EPHB1: variants seen among roughly 807,000 people sequenced by gnomAD.
EPHB1 encodes EPH receptor B1, also known as ephrin type-B receptor 1.
In EPHB1, 30 loss-of-function variants were observed where a neutral mutation model predicts 94.4. The observed-to-expected ratio is 0.32, with a 90% CI of 0.24 to 0.43. EPHB1 has a LOEUF of 0.43. EPHB1 is among the 20% of genes least tolerant of loss of function. EPHB1 has a pLI of 1.00. For missense variants in EPHB1, 1,055 were observed against 1,308.3 expected (o/e 0.81, Z 2.99); for synonymous variants, 522 against 489.1 (o/e 1.07, Z -0.89).
chr3:134,992,484 A>C (rs971494611), intron 3 of EPHB1, among the ~76,000 whole-genome samples: 1 of 152,224 alleles, frequency 6.6e-6, no homozygotes, highest in Non-Finnish European at 1.5e-5. Flanking sequence ...AAGAGGTTGA[A>C]GCAAGACAAC....
intron 1 of EPHB1, among the ~76,000 whole-genome samples, chr3:134,843,964 A>G (rs1489910918): frequency 2.0e-5 from 3 of 152,100 alleles, no homozygotes. Flanking sequence ...TGGATGTGTC[A>G]TAATTTTCTG....
At chr3:135,106,926 C>T (rs943773405) in intron 4 of EPHB1, among the ~76,000 whole-genome samples, 1 of 152,198 alleles carries the variant, frequency 6.6e-6, no homozygotes, top group Non-Finnish European at 1.5e-5. Flanking sequence ...TCTATTATCA[C>T]TTCCTCCAAG....
In EPHB1 at chr3:134,953,816, G is replaced by C. The variant is rs565338186; in HGVS notation, c.805+1764G>C. ...TAATTGGAACTTTTCTTTTTTAGAG[G>C]GTTCTGCTGTCCGTGTAGCTTGTCA... On this transcript the variant is annotated intron_variant, in intron 3 of 15. Transcript: ENST00000398015. 4.6e-5 allele frequency among the ~76,000 whole-genome samples: 7 copies of C among 152,296 alleles called. No homozygotes were observed. In the East Asian group the frequency reaches 1.3e-3, roughly 29 times the overall value.
In EPHB1 at chr3:135,119,340, T is replaced by C. The variant is rs74282419; in HGVS notation, c.961+12737T>C. 1.8e-4 allele frequency among the ~76,000 whole-genome samples: 28 copies of C among 152,342 alleles called. No individual in the cohort carries two copies. The East Asian group carries it at 2.3e-3, about 13-fold the overall frequency. On this transcript the variant is annotated intron_variant, in intron 4 of 15. Transcript: ENST00000398015. ...TTGAACTCAAATCTGACCATCTTTT[T>C]CTTTCTGGTTTGGAGATTGGTGTCT...
chr3:135,054,725 A>G (rs923928287), intron 3 of EPHB1, among the ~76,000 whole-genome samples: 7 of 152,210 alleles, frequency 4.6e-5, no homozygotes, highest in Admixed American at 4.6e-4. Context: ...TTTTCCAGAC[A>G]CAACACAGTT....
intron 10 of EPHB1, among the ~76,000 whole-genome samples, chr3:135,191,445 G>T (rs1035471025): frequency 6.6e-6 from 1 of 152,186 alleles, no homozygotes; most frequent in African/African-American, 2.4e-5. Flanking sequence ...TTATCTGATT[G>T]CTCAGTTTGC....
At chr3:135,146,332 A>G (rs1941008420) in intron 5 of EPHB1, among the ~76,000 whole-genome samples, 1 of 152,212 alleles carries the variant, frequency 6.6e-6, no homozygotes. Context: ...GTTTAGAAAG[A>G]TTAATATGGC....
At chr3:134,897,038 G>A (rs73222697) in intron 1 of EPHB1, among the ~76,000 whole-genome samples, 5 of 152,366 alleles carry the variant, frequency 3.3e-5, no homozygotes, top group African/African-American at 7.2e-5. Flanking sequence ...ACTGATACTT[G>A]GAGGGTTTTT....
At chr3:135,193,088 A>G (rs1942502598) in intron 11 of EPHB1, among the ~76,000 whole-genome samples, 1 of 152,228 alleles carries the variant, frequency 6.6e-6, no homozygotes, top group South Asian at 2.1e-4. Flanking sequence ...AAGAATGGCC[A>G]TTGGCATCTG....
At chr3:135,055,479 A>T (rs1937322772) in intron 3 of EPHB1, among the ~76,000 whole-genome samples, 1 of 152,162 alleles carries the variant, frequency 6.6e-6, no homozygotes, top group African/African-American at 2.4e-5. Flanking sequence ...ACACCAAGGT[A>T]CAGGAAGATA....
At chr3:134,873,615 C>T (rs2037548503) in intron 1 of EPHB1, among the ~76,000 whole-genome samples, 1 of 152,192 alleles carries the variant, frequency 6.6e-6, no homozygotes, top group African/African-American at 2.4e-5. Flanking sequence ...TGGTCTTCTC[C>T]TTAGTTTGAT....
At chr3:135,021,273 T>G (rs1415815533) in intron 3 of EPHB1, among the ~76,000 whole-genome samples, 1 of 152,328 alleles carries the variant, frequency 6.6e-6, no homozygotes, top group East Asian at 1.9e-4. Context: ...GTTGTGTTTT[T>G]TAAATAATAC....
In EPHB1 at chr3:134,991,462, G is replaced by C. The variant is rs9289488; in HGVS notation, c.805+39410G>C. Among the ~76,000 whole-genome samples the C allele has an allele frequency of 3.3e-5, 5 of 152,006 alleles. No homozygotes were observed. The East Asian group carries it at 9.6e-4, about 29-fold the overall frequency. Reference sequence around the variant, plus strand: ...TCAAATTGTTTTCCTGCCTCAGAGTGGAGATCTGCAGTTTATGTTTCCATA... The same window carrying C: ...TCAAATTGTTTTCCTGCCTCAGAGTCGAGATCTGCAGTTTATGTTTCCATA... On this transcript the variant is annotated intron_variant, in intron 3 of 15. Coordinates refer to ENST00000398015, the MANE Select transcript of EPHB1 (RefSeq NM_004441.5).
In EPHB1 at chr3:135,086,080, G is replaced by A. The variant is rs1052857638; in HGVS notation, c.806-20368G>A. 2.6e-5 allele frequency among the ~76,000 whole-genome samples: 4 copies of A among 152,064 alleles called. No individual in the cohort carries two copies. In the South Asian group the frequency reaches 8.3e-4, roughly 32 times the overall value. ...CTACTAACTCCCTTTCCACAGAAGGGCCTCTTTGCATTTCTGTTGTTCTAC... is the reference window on the plus strand; with the variant it reads ...CTACTAACTCCCTTTCCACAGAAGGACCTCTTTGCATTTCTGTTGTTCTAC... On this transcript the variant is annotated intron_variant, in intron 3 of 15. Transcript: ENST00000398015.
intron 3 of EPHB1, among the ~76,000 whole-genome samples, chr3:135,088,366 A>G (rs553959554): frequency 1.3e-5 from 2 of 152,374 alleles, no homozygotes; most frequent in African/African-American, 4.8e-5. Context: ...TGTCAGTGAA[A>G]TGGAAATGCT....
At chr3:135,194,787 C>T (rs960910995) in intron 11 of EPHB1, among the ~76,000 whole-genome samples, 6 of 152,174 alleles carry the variant, frequency 3.9e-5, no homozygotes, top group African/African-American at 1.4e-4. Context: ...GGACAGCCTC[C>T]TTGAGGGTAT....
At chr3:135,257,587 A>C in intron 15 of EPHB1, among the ~76,000 whole-genome samples, 1 of 151,936 alleles carries the variant, frequency 6.6e-6, no homozygotes, top group Non-Finnish European at 1.5e-5. Context: ...TCAGATCTCC[A>C]GCTGCGTGCT....
intron 15 of EPHB1, among the ~76,000 whole-genome samples, chr3:135,258,424 C>T (rs1933510117): frequency 6.6e-6 from 1 of 152,162 alleles, no homozygotes; most frequent in Admixed American, 6.5e-5. Context: ...TGAACTTGTT[C>T]TTATTAATCC....
At chr3:135,212,279 G>A (rs1943049743) in intron 12 of EPHB1, among the ~76,000 whole-genome samples, 1 of 152,024 alleles carries the variant, frequency 6.6e-6, no homozygotes, top group African/African-American at 2.4e-5. Context: ...CTTTGATAAT[G>A]TTAACATCTG....
Sources: gnomAD v4.1 joint callset for allele counts (sites outside exome capture counted in the v4.1 genomes callset) on GRCh38, gnomAD v4.1.1 for gene constraint, MANE v1.5 for transcripts, NCBI Gene and HGNC (gene_info 2026-07-23, HGNC 2026-07-21) for gene names.